The following VIPR2 variants were observed in gnomAD, a reference collection of about 807,000 sequenced individuals.
The protein encoded by VIPR2 is vasoactive intestinal polypeptide receptor 2.
VIPR2 carries 48 observed loss-of-function variants against 58.0 expected under a neutral mutation model. The ratio of observed to expected loss-of-function variants is 0.83; its 90% CI spans 0.66 to 1.05. VIPR2 has a LOEUF of 1.05. VIPR2 is among the 50% of genes least tolerant of loss of function. The pLI, the probability that VIPR2 is intolerant of heterozygous loss-of-function variation, is 0.00. For missense variants in VIPR2, 534 were observed against 558.0 expected, an observed-to-expected ratio of 0.96 and a Z score of 0.43; for synonymous variants, 243 against 235.2, an observed-to-expected ratio of 1.03 and a Z score of -0.30.
rs1018847518 is a variant in VIPR2 at position 159,111,629 on chromosome 7, G to A, written c.152-1710C>T. The stretch of plus-strand genomic sequence containing the variant: ...CAGAAGGTGGAGGTTGCAGTGAGCC[G>A]AGATCGCATCACTGCATTCCAGCCT... On this transcript the variant is annotated intron_variant, in intron 2 of 12. Coordinates refer to ENST00000262178, the MANE Select transcript of VIPR2 (RefSeq NM_003382.5). 5.3e-5 allele frequency among the ~76,000 whole-genome samples: 8 copies of A among 151,466 alleles called. No individual in the cohort carries two copies. In the East Asian group the frequency reaches 7.7e-4, roughly 15 times the overall value.
At chr7:159,058,432 C>A in intron 5 of VIPR2, 49 bp downstream of exon 5, 1 of 1,564,380 alleles carries the variant, frequency 6.4e-7, no homozygotes. Flanking sequence ...TAAATGGAAA[C>A]TTTGCTTGTC....
In VIPR2 at chr7:159,030,342, CAAAAA is replaced by C. The variant is rs869158676; in HGVS notation, c.*269_*273del. On this transcript the variant is annotated 3_prime_UTR_variant, in exon 13 of 13. Transcript: ENST00000262178. ...TGGGCGACAGAGCGAGACTCCGTCT[CAAAAA>C]AAAAAAAAAAAAAAAAAGTGGATCC... is the stretch of plus-strand genomic sequence containing the variant. 946 of 199,822 alleles carry C rather than the reference CAAAAA, an allele frequency of 4.7e-3. No individual in the cohort carries two copies. The highest frequency in any genetic ancestry group is 6.5e-3 in the Middle Eastern group (5 of 770). 12.4% of individuals were successfully genotyped at this position (199,822 alleles called of 1,614,324 possible). A position where few individuals can be genotyped will look rare whatever the true frequency, so the allele number is the denominator to read the frequency against.
Position 159,099,947 on chromosome 7 carries a change from C to A in VIPR2, c.357+3810G>T, listed in dbSNP as rs114307068. ...CCTGGCTGAGCTGGGTGCAGCCATG[C>A]GCCCCAGGATCCTCCCTGAGGACCT... is the stretch of plus-strand genomic sequence containing the variant. On this transcript the variant is annotated intron_variant, in intron 4 of 12. Coordinates refer to ENST00000262178, the MANE Select transcript of VIPR2 (RefSeq NM_003382.5). This position sits in a 1 kb window ranked among gnomAD's most constrained non-coding sequence, Gnocchi z 4.2. Among the ~76,000 whole-genome samples, 1 of 152,192 alleles carries A rather than the reference C, an allele frequency of 6.6e-6. No homozygotes were observed.
At chr7:159,110,536 T>G (rs1160589480) in intron 2 of VIPR2, among the ~76,000 whole-genome samples, 3 of 152,240 alleles carry the variant, frequency 2.0e-5, no homozygotes, top group Non-Finnish European at 4.4e-5. Flanking sequence ...TTCAAATCTT[T>G]TAATGAATTC....
chr7:159,089,618 T>C (rs115121665), intron 4 of VIPR2, among the ~76,000 whole-genome samples: 2,006 of 152,378 alleles, frequency 0.013, 35 homozygotes, highest in African/African-American at 0.045. Context: ...AGATGTTCAA[T>C]ACATATTAGT....
intron 1 of VIPR2, among the ~76,000 whole-genome samples, chr7:159,143,757 T>G (rs1366830648): frequency 6.6e-6 from 1 of 152,278 alleles, no homozygotes; most frequent in Non-Finnish European, 1.5e-5. Context: ...CTGACGTTCC[T>G]GGAATATGCA....
chr7:159,054,776 T>C (rs1855208738), intron 5 of VIPR2, among the ~76,000 whole-genome samples: 2 of 152,188 alleles, frequency 1.3e-5, no homozygotes, highest in South Asian at 2.1e-4. Flanking sequence ...ATAAATTTAT[T>C]TTTAATGGAC....
At position 159,123,138 on chromosome 7, in the gene VIPR2, C is replaced by A. The variant is rs186983471; in HGVS notation, c.152-13219G>T. Among the ~76,000 whole-genome samples, 665 of 151,834 alleles carry A rather than the reference C, an allele frequency of 4.4e-3. 1 individual carries two copies. Among genetic ancestry groups the A allele is most frequent in the African/African-American group, 0.015 (637 of 41,408 alleles). ...TGAAACTCTGTCTCTGCTAAACATA[C>A]AAAAATTAGCTGGGCGTGGTGGCGT... On this transcript the variant is annotated intron_variant, in intron 2 of 12. Coordinates refer to ENST00000262178, the MANE Select transcript of VIPR2 (RefSeq NM_003382.5).
At chr7:159,039,656 C>T (rs989764525) in intron 6 of VIPR2, among the ~76,000 whole-genome samples, 2 of 151,332 alleles carry the variant, frequency 1.3e-5, no homozygotes, top group South Asian at 2.1e-4. Flanking sequence ...CAACATCCCT[C>T]GCCCCTTCCA....
intron 4 of VIPR2, among the ~76,000 whole-genome samples, chr7:159,085,183 G>A (rs1165508903): frequency 6.6e-6 from 1 of 152,220 alleles, no homozygotes; most frequent in Admixed American, 6.5e-5. Flanking sequence ...TCATGATGGT[G>A]CAGCATTTTG....
chr7:159,094,136 AG>A (rs1464010747), intron 4 of VIPR2, among the ~76,000 whole-genome samples: 8 of 152,178 alleles, frequency 5.3e-5, no homozygotes, highest in Non-Finnish European at 7.4e-5. Flanking sequence ...CATTCTCCAC[AG>A]GGGAGGCTCC....
chr7:159,108,727 C>G (rs1474907572), intron 3 of VIPR2, among the ~76,000 whole-genome samples: 2 of 152,194 alleles, frequency 1.3e-5, no homozygotes, highest in African/African-American at 4.8e-5. Flanking sequence ...TTCTGGAAGC[C>G]TCAGAACCAT....
chr7:159,125,407 G>T (rs1041924623), intron 2 of VIPR2, among the ~76,000 whole-genome samples: 1 of 152,162 alleles, frequency 6.6e-6, no homozygotes, highest in Admixed American at 6.5e-5. Context: ...AGGACACAAG[G>T]AACTGTGGTT....
chr7:159,080,740 CCTT>C (rs1329595713), intron 4 of VIPR2, among the ~76,000 whole-genome samples: 1 of 152,114 alleles, frequency 6.6e-6, no homozygotes, highest in African/African-American at 2.4e-5. Flanking sequence ...CCCAAAATCT[CCTT>C]AAGCTGATAA....
At chr7:159,062,515 C>A (rs565252043) in intron 4 of VIPR2, among the ~76,000 whole-genome samples, 1 of 151,976 alleles carries the variant, frequency 6.6e-6, no homozygotes, top group African/African-American at 2.4e-5. Context: ...GCTCTTAAGG[C>A]GGCCCCTCTC....
intron 5 of VIPR2, among the ~76,000 whole-genome samples, chr7:159,057,048 G>T (rs1445064282): frequency 6.6e-6 from 1 of 152,174 alleles, no homozygotes; most frequent in East Asian, 1.9e-4. Context: ...GATAATTCCT[G>T]ATGCTCTTGG....
Position 159,093,637 on chromosome 7 carries a change from C to A in VIPR2, c.357+10120G>T, listed in dbSNP as rs1434411945. ...CTGTTCCACCCACAACAAGCAGGTG[C>A]CCACAGCGTCCCTGGGTCCAGACAT... On this transcript the variant is annotated intron_variant, in intron 4 of 12. Coordinates refer to ENST00000262178, the MANE Select transcript of VIPR2 (RefSeq NM_003382.5). The surrounding 1 kb of genome is among the most constrained non-coding windows in gnomAD (Gnocchi z 6.7). 6.6e-6 allele frequency among the ~76,000 whole-genome samples: 1 copy of A among 152,166 alleles called. No individual in the cohort carries two copies. Among genetic ancestry groups the A allele is most frequent in the Non-Finnish European group, 1.5e-5 (1 of 68,026 alleles).
chr7:159,057,830 T>TA (rs1297639109), intron 5 of VIPR2, among the ~76,000 whole-genome samples: 2 of 152,156 alleles, frequency 1.3e-5, no homozygotes, highest in Admixed American at 1.3e-4. Flanking sequence ...CATCATTAGT[T>TA]ACCAAGAGAC....
intron 2 of VIPR2, among the ~76,000 whole-genome samples, chr7:159,130,027 G>T (rs1160631638): frequency 6.6e-6 from 1 of 151,604 alleles, no homozygotes; most frequent in Non-Finnish European, 1.5e-5. Context: ...CCTCTGGGGG[G>T]GACAGGGCCA....
Sources: allele counts gnomAD v4.1 joint callset (sites outside exome capture counted in the v4.1 genomes callset), GRCh38; gene constraint gnomAD v4.1.1; non-coding constraint Gnocchi (gnomAD v3.1); transcripts MANE v1.5; gene names NCBI Gene and HGNC (gene_info 2026-07-23, HGNC 2026-07-21).